PTPRD: variants seen among roughly 807,000 people sequenced by gnomAD.
The protein encoded by PTPRD is receptor-type tyrosine-protein phosphatase delta.
In PTPRD, 34 loss-of-function variants were observed where a neutral mutation model predicts 214.5. The ratio of observed to expected loss-of-function variants is 0.16; its 90% CI spans 0.12 to 0.21. The LOEUF (loss-of-function observed/expected upper bound fraction) is 0.21. Ranked by LOEUF, PTPRD falls within the 10% of genes least tolerant of loss-of-function variation. The pLI is 1.00. For synonymous variants in PTPRD, 1,128 were observed against 845.7 expected (o/e 1.33, Z -5.79); for missense variants, 2,545 against 2,398.7 (o/e 1.06, Z -1.27).
intron 44 of PTPRD, among the ~76,000 whole-genome samples, chr9:8,330,446 A>T (rs1839056987): frequency 6.6e-6 from 1 of 152,150 alleles, no homozygotes; most frequent in Non-Finnish European, 1.5e-5. Context: ...GACTCCCTTT[A>T]TTGTGGTAAT....
chr9:8,580,827 A>G lies in PTPRD; in HGVS notation c.353-52048T>C, dbSNP rs1041154746. Reference sequence around the variant, plus strand: ...ACAGCAAATAGCAAATGTGGATACAATTTTTCGCAATGATAGAAATACTGT... The same window carrying G: ...ACAGCAAATAGCAAATGTGGATACAGTTTTTCGCAATGATAGAAATACTGT... On this transcript the variant is annotated intron_variant, in intron 14 of 45. Coordinates refer to ENST00000381196, the MANE Select transcript of PTPRD (RefSeq NM_002839.4). 4.6e-5 allele frequency among the ~76,000 whole-genome samples: 7 copies of G among 152,126 alleles called. No homozygotes were observed. The South Asian group carries it at 6.2e-4, about 14-fold the overall frequency.
chr9:9,255,483 C>T (rs887136099), intron 9 of PTPRD, among the ~76,000 whole-genome samples: 2 of 151,986 alleles, frequency 1.3e-5, no homozygotes, highest in African/African-American at 4.8e-5. Context: ...ATCTCTAAAA[C>T]CATTCCACTA....
chr9:10,093,322 T>C (rs552597249), intron 3 of PTPRD, among the ~76,000 whole-genome samples: 47 of 151,360 alleles, frequency 3.1e-4, no homozygotes, highest in African/African-American at 1.0e-3. Context: ...GACATACAAA[T>C]GGCCAACAAA....
At chr9:9,765,832 T>G (rs2098702550) in intron 6 of PTPRD, among the ~76,000 whole-genome samples, 1 of 152,028 alleles carries the variant, frequency 6.6e-6, no homozygotes, top group Non-Finnish European at 1.5e-5. Context: ...GGCTAATTTT[T>G]TTTTTATTTT....
chr9:8,957,623 C>T (rs2099138057), intron 11 of PTPRD, among the ~76,000 whole-genome samples: 1 of 151,854 alleles, frequency 6.6e-6, no homozygotes, highest in African/African-American at 2.4e-5. Flanking sequence ...AGTTTTGCTC[C>T]TCATGCTATT....
At chr9:8,607,758 C>T (rs1482780973) in intron 14 of PTPRD, among the ~76,000 whole-genome samples, 1 of 152,174 alleles carries the variant, frequency 6.6e-6, no homozygotes, top group Non-Finnish European at 1.5e-5. Flanking sequence ...CATGCCAAAC[C>T]TCGTGGAGAT....
At chr9:10,045,878 A>G (rs1459242725) in intron 3 of PTPRD, among the ~76,000 whole-genome samples, 1 of 151,738 alleles carries the variant, frequency 6.6e-6, no homozygotes, top group Non-Finnish European at 1.5e-5. Context: ...CTGTGTTAAG[A>G]ATCACAATTG....
In PTPRD at chr9:9,007,500, A is replaced by G. The variant is rs1046780434; in HGVS notation, c.-104+11197T>C. Reference sequence around the variant, plus strand: ...TTTTTTTTATGTGCTTGACCCTATTACTTTTTTCTAAAATACTCCAATAAA... The same window carrying G: ...TTTTTTTTATGTGCTTGACCCTATTGCTTTTTTCTAAAATACTCCAATAAA... On this transcript the variant is annotated intron_variant, in intron 11 of 45. Transcript: ENST00000381196. Among the ~76,000 whole-genome samples, 14 of 152,038 alleles carry G rather than the reference A, an allele frequency of 9.2e-5. No individual in the cohort carries two copies. In the South Asian group the frequency reaches 2.5e-3, roughly 27 times the overall value.
At chr9:8,633,229 T>A in intron 14 of PTPRD, 88 bp downstream of exon 14, 1 of 1,478,730 alleles carries the variant, frequency 6.8e-7, no homozygotes, top group African/African-American at 1.4e-5. Context: ...TTAAGCACCA[T>A]CACAATGCTA....
chr9:9,547,060 A>G (rs1309926078), intron 8 of PTPRD, among the ~76,000 whole-genome samples: 1 of 152,022 alleles, frequency 6.6e-6, no homozygotes, highest in Non-Finnish European at 1.5e-5. Flanking sequence ...TCATGCTTGT[A>G]TGCTTGGTAA....
intron 3 of PTPRD, among the ~76,000 whole-genome samples, chr9:10,199,903 GCACACACGCACACACA>G: frequency 6.7e-6 from 1 of 149,336 alleles, no homozygotes; most frequent in Middle Eastern, 3.4e-3. Flanking sequence ...GCACTCGCGC[GCACACACGCACACACA>G]CACACACACA....
chr9:9,349,398 T>C (rs754095754), intron 9 of PTPRD, among the ~76,000 whole-genome samples: 1 of 152,014 alleles, frequency 6.6e-6, no homozygotes, highest in Non-Finnish European at 1.5e-5. Context: ...TTTGTCTGTC[T>C]AATACAGAAA....
chr9:9,434,792 G>T (rs1395796416), intron 8 of PTPRD, among the ~76,000 whole-genome samples: 1 of 150,280 alleles, frequency 6.7e-6, no homozygotes, highest in African/African-American at 2.4e-5. Context: ...GGTTGCTCTG[G>T]TCTCAGTGAC....
chr9:10,471,935 C>T (rs1406589862), intron 2 of PTPRD, among the ~76,000 whole-genome samples: 1 of 151,830 alleles, frequency 6.6e-6, no homozygotes, highest in Non-Finnish European at 1.5e-5. Flanking sequence ...AGTCACAAGG[C>T]CCGACAATTC....
At chr9:8,385,285 G>T (rs1255856459) in intron 37 of PTPRD, among the ~76,000 whole-genome samples, 3 of 152,146 alleles carry the variant, frequency 2.0e-5, no homozygotes, top group African/African-American at 4.8e-5. Flanking sequence ...CAAACACTTT[G>T]GGGGGCCAAG....
At chr9:9,927,602 G>A (rs1369775894) in intron 5 of PTPRD, among the ~76,000 whole-genome samples, 1 of 152,054 alleles carries the variant, frequency 6.6e-6, no homozygotes, top group Non-Finnish European at 1.5e-5. Flanking sequence ...TTATGTAAAG[G>A]AATGCGTGTG....
chr9:8,632,951 GT>G (rs2096298367), intron 14 of PTPRD, among the ~76,000 whole-genome samples: 1 of 151,902 alleles, frequency 6.6e-6, no homozygotes, highest in Non-Finnish European at 1.5e-5. Flanking sequence ...AGCTGTGGTA[GT>G]TGTAAAAAAC....
intron 12 of PTPRD, chr9:8,713,419 C>T: frequency 9.1e-7 from 1 of 1,102,696 alleles, no homozygotes; most frequent in South Asian, 1.3e-5. Context: ...TGCACCTAAT[C>T]GTGTCGTCGC....
chr9:10,530,272 ATTAT>A (rs34882166), intron 2 of PTPRD, among the ~76,000 whole-genome samples: 33,974 of 151,846 alleles, frequency 0.22, 4,393 homozygotes, highest in East Asian at 0.57. Context: ...TACTTAGTTC[ATTAT>A]TTAAAGGTAT....
Sources: gnomAD v4.1 joint callset for allele counts (sites outside exome capture counted in the v4.1 genomes callset) on GRCh38, gnomAD v4.1.1 for gene constraint, MANE v1.5 for transcripts, NCBI Gene and HGNC (gene_info 2026-07-23, HGNC 2026-07-21) for gene names.